FN1: variants seen among roughly 807,000 people sequenced by gnomAD.
FN1 encodes fibronectin 1.
FN1 carries 106 observed loss-of-function variants against 297.3 expected under a neutral mutation model. That is an observed-to-expected ratio of 0.36 (90% CI 0.30 to 0.42). FN1 has a LOEUF of 0.42. Ranked by LOEUF, FN1 falls within the 10% of genes least tolerant of loss-of-function variation. The pLI, the probability that FN1 is intolerant of heterozygous loss-of-function variation, is 1.00. For missense variants in FN1, 2,690 were observed against 3,124.9 expected, an observed-to-expected ratio of 0.86 and a Z score of 3.32; for synonymous variants, 1,149 against 1,152.6, an observed-to-expected ratio of 1.00 and a Z score of 0.06.
intron 32 of FN1, 177 bp from the exon 33 acceptor site, chr2:215,381,257 T>C (rs985216580): frequency 4.5e-6 from 3 of 662,168 alleles, no homozygotes; most frequent in East Asian, 2.7e-5. Context: ...TTAGAAAATA[T>C]GCAATGTTGC....
Position 215,425,197 on chromosome 2 carries a change from G to C in FN1, c.933C>G (p.Asp311Glu), listed in dbSNP as rs1181204916. The C allele has an allele frequency of 1.2e-6, 2 of 1,614,014 alleles. No individual in the cohort carries two copies. The highest frequency in any genetic ancestry group is 1.7e-6 in the Non-Finnish European group (2 of 1,180,012). ...TCCCCACAGAGTAGACCACACCACT[G>C]TCTGTGACACAGTGGCCATAGGGAG... ...QPPPYGHCVT[D>E]SGVVYSVGMQ... Residue 311 changes from aspartate (D) to glutamate (E), a missense_variant, in exon 7 of 46, where the codon GAC (aspartate) becomes GAG (glutamate). Asp to Glu is a conservative substitution (Grantham distance 45). Transcript: ENST00000354785.
intron 37 of FN1, 38 bp downstream of exon 37, chr2:215,375,591 C>G (rs1224694092): frequency 7.0e-7 from 1 of 1,435,092 alleles, no homozygotes; most frequent in African/African-American, 1.4e-5. Context: ...TGATTGCATA[C>G]AAGTCAATGG....
chr2:215,371,271 G>GC (rs1553601395), intron 40 of FN1, among the ~76,000 whole-genome samples: 27 of 146,972 alleles, frequency 1.8e-4, no homozygotes, highest in Non-Finnish European at 3.6e-4. Flanking sequence ...CCATCTCGGG[G>GC]AAAAAAAAAA....
Position 215,376,674 on chromosome 2 carries a change from T to C in FN1, c.5711A>G (p.Asn1904Ser), listed in dbSNP as rs2057335606. ...ACGAGCCCTTCTTGGTGGGCTGACA[T>C]CTGCACAGGAGCATAGCTAGAGATT... ...PAQGVVTTLE[N>S]VSPPRRARVT... Residue 1904 changes from asparagine to serine, a missense_variant and splice_region_variant, in exon 36 of 46, where the codon AAT becomes AGT. By Grantham distance (46) the Asn-to-Ser change is conservative. This residue lies in a region of FN1 where 1,743 missense variants were observed against 1,945.2 expected (regional missense o/e 0.90). Transcript: ENST00000354785. 6.2e-7 allele frequency: 1 copy of C among 1,613,674 alleles called. No individual in the cohort carries two copies. The highest frequency in any genetic ancestry group is 1.3e-5 in the African/African-American group (1 of 74,914).
chr2:215,404,322 TG>T (rs1357517271), intron 20 of FN1, 66 bp downstream of exon 20: 60 of 1,450,460 alleles, frequency 4.1e-5, no homozygotes, highest in Non-Finnish European at 4.6e-5. Flanking sequence ...TGTTTTGTTT[TG>T]TTTTAAAGCA....
chr2:215,399,230 C>T, intron 21 of FN1, 27 bp downstream of exon 21: 1 of 1,541,592 alleles, frequency 6.5e-7, no homozygotes, highest in Non-Finnish European at 9.0e-7. Flanking sequence ...GGCTGTATCA[C>T]AGAGATTAGG....
chr2:215,402,273 A>C (rs2061258805), intron 20 of FN1, among the ~76,000 whole-genome samples: 1 of 152,202 alleles, frequency 6.6e-6, no homozygotes, highest in Admixed American at 6.5e-5. Context: ...GAAAATCACC[A>C]AACCACAAAC....
intron 43 of FN1, 55 bp from the exon 44 acceptor site, chr2:215,365,040 T>C (rs1180290247): frequency 8.7e-7 from 1 of 1,145,534 alleles, no homozygotes; most frequent in African/African-American, 1.5e-5. Flanking sequence ...TACTGCAGAC[T>C]TGATCTAGGG....
intron 42 of FN1, among the ~76,000 whole-genome samples, chr2:215,365,966 ATTTTT>A (rs559516647): frequency 1.2e-4 from 11 of 90,338 alleles, no homozygotes; most frequent in South Asian, 3.7e-4. Context: ...CCACAGTGCT[ATTTTT>A]TTTTTTTTTT....
At chr2:215,377,095 T>A (rs1464495017) in intron 35 of FN1, among the ~76,000 whole-genome samples, 2 of 151,876 alleles carry the variant, frequency 1.3e-5, no homozygotes, top group Non-Finnish European at 2.9e-5. Context: ...TGTGTGTGTG[T>A]GTGTGTGTGT....
At chr2:215,424,429 A>G in intron 7 of FN1, 104 bp from the exon 8 acceptor site, 1 of 906,222 alleles carries the variant, frequency 1.1e-6, no homozygotes, top group Non-Finnish European at 1.8e-6. Flanking sequence ...GTGCCCTCAA[A>G]GGAAGAAGCT....
chr2:215,394,963 G>A (rs766924476), intron 23 of FN1, among the ~76,000 whole-genome samples: 17 of 152,068 alleles, frequency 1.1e-4, no homozygotes, highest in Non-Finnish European at 2.4e-4. Context: ...GAGTGCAGCG[G>A]TGTGATCTTG....
At chr2:215,410,356 C>A (rs2062428631) in intron 13 of FN1, among the ~76,000 whole-genome samples, 1 of 152,152 alleles carries the variant, frequency 6.6e-6, no homozygotes, top group African/African-American at 2.4e-5. Context: ...GATACCCATA[C>A]TCTGTGCTGT....
chr2:215,404,705 CA>C, intron 19 of FN1, 50 bp from the exon 20 acceptor site: 1 of 1,539,660 alleles, frequency 6.5e-7, no homozygotes, highest in Non-Finnish European at 9.0e-7. Flanking sequence ...CAGTAATGAT[CA>C]TAACTCAAGT....
At chr2:215,376,199 TA>T (rs1200225958) in intron 36 of FN1, among the ~76,000 whole-genome samples, 4 of 152,244 alleles carry the variant, frequency 2.6e-5, no homozygotes, top group African/African-American at 9.6e-5. Flanking sequence ...CACTGTTTTT[TA>T]TTTCTTTTAG....
At position 215,392,630 on chromosome 2, in the gene FN1, A is replaced by G. The variant is rs1164983877; in HGVS notation, c.4069+301T>C. On this transcript the variant is annotated intron_variant, in intron 25 of 45. Coordinates refer to ENST00000354785, the MANE Select transcript of FN1 (RefSeq NM_212482.4). ...TCGTGTTTGGTATTTAAGACGAAAA[A>G]TTCTAGGTCTTCAAATTGAATGAAC... The G allele has an allele frequency of 9.8e-6, 4 of 408,230 alleles. No individual in the cohort carries two copies. In the Admixed American group the frequency reaches 1.5e-4, roughly 16 times the overall value. The allele number at this position is 408,230 out of a possible 1,614,324, so 25.3% of individuals were successfully genotyped here. A position where few individuals can be genotyped will look rare whatever the true frequency, so the allele number is the denominator to read the frequency against.
intron 20 of FN1, among the ~76,000 whole-genome samples, chr2:215,404,155 C>T (rs1442792096): frequency 2.0e-5 from 3 of 152,220 alleles, no homozygotes; most frequent in African/African-American, 7.2e-5. Flanking sequence ...CTCAGCTGTA[C>T]TAAGCAGTGT....
At chr2:215,378,820 A>G (rs1575350909) in intron 34 of FN1, among the ~76,000 whole-genome samples, 1 of 152,206 alleles carries the variant, frequency 6.6e-6, no homozygotes, top group African/African-American at 2.4e-5. Flanking sequence ...CAGAAAATGC[A>G]TAACTAAGTC....
At chr2:215,379,057 AT>A (rs2057794904) in intron 34 of FN1, 72 bp downstream of exon 34, 2 of 1,274,130 alleles carry the variant, frequency 1.6e-6, no homozygotes, top group Non-Finnish European at 2.3e-6. Flanking sequence ...ATGATATTAT[AT>A]TTTCACCACC....
Sources: gnomAD v4.1 joint callset for allele counts (sites outside exome capture counted in the v4.1 genomes callset) on GRCh38, gnomAD v4.1.1 for gene constraint, gnomAD v4.1.1 regional missense constraint, MANE v1.5 for transcripts, NCBI Gene and HGNC (gene_info 2026-07-23, HGNC 2026-07-21) for gene names.